IGF2R: variants seen among roughly 807,000 people sequenced by gnomAD.
IGF2R encodes the protein cation-independent mannose-6-phosphate receptor.
A neutral mutation model predicts 270.6 loss-of-function variants in IGF2R; 91 were observed. The ratio of observed to expected loss-of-function variants is 0.34; its 90% CI spans 0.28 to 0.40. IGF2R has a LOEUF of 0.40. IGF2R is among the 10% of genes least tolerant of loss of function. IGF2R has a pLI of 1.00. For synonymous variants in IGF2R, 1,316 were observed against 1,258.9 expected (o/e 1.05, Z -0.96); for missense variants, 2,805 against 3,188.3 (o/e 0.88, Z 2.90).
Position 160,104,663 on chromosome 6 carries a change from A to G in IGF2R, c.7066-11A>G, listed in dbSNP as rs1779571343. 1 of 1,606,340 alleles carries G rather than the reference A, an allele frequency of 6.2e-7. No individual in the cohort carries two copies. Among genetic ancestry groups the G allele is most frequent in the South Asian group, 1.1e-5 (1 of 89,508 alleles). ...GGGGCTCACGTGGTCTCTGCTGTTG[A>G]TCCCTGGCAGGTGAATAAGGAAGAA... On this transcript the variant is annotated splice_polypyrimidine_tract_variant and intron_variant, in intron 47 of 47. Coordinates refer to ENST00000356956, the MANE Select transcript of IGF2R (RefSeq NM_000876.4).
chr6:160,029,466 A>G, intron 6 of IGF2R, 84 bp from the exon 7 acceptor site: 2 of 766,906 alleles, frequency 2.6e-6, no homozygotes, highest in South Asian at 3.0e-5. Context: ...CCCCAAGTGA[A>G]TGTGCTGAAT....
intron 5 of IGF2R, 60 bp downstream of exon 5, chr6:160,024,764 A>G: frequency 1.4e-5 from 21 of 1,552,430 alleles, no homozygotes; most frequent in Non-Finnish European, 1.9e-5. Flanking sequence ...TGGCTTCAAT[A>G]TCTTTGCCTT....
chr6:160,070,315 C>T (rs1277544386), intron 31 of IGF2R, among the ~76,000 whole-genome samples: 1 of 152,166 alleles, frequency 6.6e-6, no homozygotes, highest in South Asian at 2.1e-4. Flanking sequence ...GACTCAGACC[C>T]CTAAAGGCTG....
Position 160,080,571 on chromosome 6 carries a change from T to C in IGF2R, c.5833+296T>C, listed in dbSNP as rs369875875. ...TCCACATACCAGGTTTTAGCCCTGG[T>C]GGTTCAGATTATGCCTCAGGAAAAT... On this transcript the variant is annotated intron_variant, in intron 39 of 47. Coordinates refer to ENST00000356956, the MANE Select transcript of IGF2R (RefSeq NM_000876.4). Among the ~76,000 whole-genome samples the C allele has an allele frequency of 8.5e-5, 13 of 152,310 alleles. No homozygotes were observed. The East Asian group carries it at 2.1e-3, about 25-fold the overall frequency.
At chr6:160,014,014 C>T (rs1318717045) in intron 4 of IGF2R, among the ~76,000 whole-genome samples, 1 of 152,166 alleles carries the variant, frequency 6.6e-6, no homozygotes, top group African/African-American at 2.4e-5. Context: ...ACTAATGTCT[C>T]ATTTATTTAT....
At chr6:160,026,503 G>C (rs553022695) in intron 5 of IGF2R, among the ~76,000 whole-genome samples, 1 of 152,224 alleles carries the variant, frequency 6.6e-6, no homozygotes, top group Non-Finnish European at 1.5e-5. Context: ...CTGTTTTCCT[G>C]GAACTTTAGT....
chr6:160,005,698 C>T (rs561290377), intron 2 of IGF2R: 3 of 153,466 alleles, frequency 2.0e-5, no homozygotes, highest in South Asian at 1.9e-4. Context: ...CAGGAAACAC[C>T]GCATCCCTTT....
intron 1 of IGF2R, among the ~76,000 whole-genome samples, chr6:159,970,721 G>A (rs1254026354): frequency 2.0e-5 from 3 of 152,198 alleles, no homozygotes; most frequent in South Asian, 2.1e-4. Context: ...CTTAAACGAG[G>A]TCAGGCTGAG....
Position 160,050,524 on chromosome 6 carries a change from G to T in IGF2R, c.2566G>T (p.Gly856Cys). ...CAGTAACTTGGGAATGGCAAAGACC[G>T]GCCCGGTGGTTGAGGACAGCGGCAG... The part of the protein sequence containing the change: ...SISNLGMAKT[G>C]PVVEDSGSLL... The change falls in exon 19 of 48, where the codon GGC becomes TGC. Residue 856 changes from glycine to cysteine, a missense_variant. Coordinates refer to ENST00000356956, the MANE Select transcript of IGF2R (RefSeq NM_000876.4). The surrounding 1 kb of genome is among the most constrained non-coding windows in gnomAD (Gnocchi z 4.0). 6.2e-7 allele frequency: 1 copy of T among 1,614,052 alleles called. No individual in the cohort carries two copies. Among genetic ancestry groups the T allele is most frequent in the Non-Finnish European group, 8.5e-7 (1 of 1,179,908 alleles).
chr6:160,030,165 G>A (rs1777662839), intron 7 of IGF2R, among the ~76,000 whole-genome samples: 2 of 152,116 alleles, frequency 1.3e-5, no homozygotes, highest in Non-Finnish European at 2.9e-5. Context: ...AATCTCCAGC[G>A]CAGCTGTAAA....
intron 39 of IGF2R, among the ~76,000 whole-genome samples, chr6:160,082,390 A>G (rs1329284382): frequency 1.3e-5 from 2 of 151,796 alleles, no homozygotes; most frequent in African/African-American, 2.4e-5. Flanking sequence ...GCTCACTGCA[A>G]GCTCCACCTT....
intron 1 of IGF2R, among the ~76,000 whole-genome samples, chr6:159,978,875 G>A (rs1783736178): frequency 6.6e-6 from 1 of 152,132 alleles, no homozygotes; most frequent in Non-Finnish European, 1.5e-5. Flanking sequence ...TCCCCTGGGG[G>A]CAACCATTAT....
chr6:160,000,785 G>C (rs903642547), intron 2 of IGF2R, among the ~76,000 whole-genome samples: 5 of 143,140 alleles, frequency 3.5e-5, no homozygotes, highest in Admixed American at 1.4e-4. Context: ...GCCCAGGCCG[G>C]AGTGCAGTGG....
Position 160,065,814 on chromosome 6 carries a change from G to GTGTATATATATATA in IGF2R, c.4115+914_4115+915insGTATATATATATAT. ...TGTGTGTGTGTGTGTGTGTGTGTGT[G>GTGTATATATATATA]TATATATATATATATATATATATAT... On this transcript the variant is annotated intron_variant, in intron 29 of 47. Coordinates refer to ENST00000356956, the MANE Select transcript of IGF2R (RefSeq NM_000876.4). 2.5e-3 allele frequency among the ~76,000 whole-genome samples: 197 copies of GTGTATATATATATA among 78,308 alleles called. 1 individual carries two copies. The highest frequency in any genetic ancestry group is 3.8e-3 in the Admixed American group (23 of 6,088). The allele number at this position is 78,308 out of a possible 152,430, so 51.4% of individuals were successfully genotyped here.
intron 41 of IGF2R, among the ~76,000 whole-genome samples, chr6:160,087,348 G>A (rs544151894): frequency 9.2e-5 from 14 of 152,264 alleles, no homozygotes; most frequent in Non-Finnish European, 1.9e-4. Flanking sequence ...GCCATTACCC[G>A]GGGTCCCACT....
chr6:160,046,059 C>A (rs541994076), intron 14 of IGF2R, among the ~76,000 whole-genome samples, 177 bp downstream of exon 14: 1 of 152,306 alleles, frequency 6.6e-6, no homozygotes, highest in East Asian at 1.9e-4. Flanking sequence ...AAAATACTAT[C>A]TTAAATTCAT....
intron 10 of IGF2R, among the ~76,000 whole-genome samples, chr6:160,038,697 A>G (rs367556833): frequency 1.6e-3 from 239 of 152,196 alleles, no homozygotes; most frequent in African/African-American, 5.6e-3. Flanking sequence ...GGGCCCAGCT[A>G]TGGTAGCTGC....
intron 4 of IGF2R, among the ~76,000 whole-genome samples, chr6:160,013,683 C>A (rs114640482): frequency 0.011 from 1,602 of 152,212 alleles, 33 homozygotes; most frequent in African/African-American, 0.037. Flanking sequence ...GGAATGCTTT[C>A]AGGGAGCCTA....
At chr6:160,081,450 C>T (rs1031984297) in intron 39 of IGF2R, among the ~76,000 whole-genome samples, 1 of 152,146 alleles carries the variant, frequency 6.6e-6, no homozygotes, top group African/African-American at 2.4e-5. Context: ...GGCAGAAGGT[C>T]AGGGCAGGAT....
Sources: allele counts gnomAD v4.1 joint callset (sites outside exome capture counted in the v4.1 genomes callset), GRCh38; gene constraint gnomAD v4.1.1; non-coding constraint Gnocchi (gnomAD v3.1); transcripts MANE v1.5; gene names NCBI Gene and HGNC (gene_info 2026-07-23, HGNC 2026-07-21).